Variants in TAFA1 observed in about 807,000 individuals in gnomAD.
The protein encoded by TAFA1 is chemokine-like protein TAFA-1.
TAFA1 carries 4 observed loss-of-function variants against 18.5 expected under a neutral mutation model. The ratio of observed to expected loss-of-function variants is 0.22; its 90% CI spans 0.11 to 0.49. TAFA1 has a LOEUF of 0.49. TAFA1 is among the 20% of genes least tolerant of loss of function. The pLI, the probability that TAFA1 is intolerant of heterozygous loss-of-function variation, is 0.98. For missense variants in TAFA1, 147 were observed against 169.0 expected (o/e 0.87, Z 0.72); for synonymous variants, 56 against 55.2 (o/e 1.01, Z -0.06).
At chr3:68,237,535 T>C (rs537542048) in intron 2 of TAFA1, among the ~76,000 whole-genome samples, 37 of 152,278 alleles carry the variant, frequency 2.4e-4, no homozygotes, top group Non-Finnish European at 4.9e-4. Flanking sequence ...TAACAAGGCA[T>C]GTATGTATGA....
intron 2 of TAFA1, among the ~76,000 whole-genome samples, chr3:68,317,629 C>G (rs1414048448): frequency 6.6e-6 from 1 of 152,114 alleles, no homozygotes; most frequent in African/African-American, 2.4e-5. Context: ...TATCATGGTC[C>G]CTGGAATATG....
intron 2 of TAFA1, among the ~76,000 whole-genome samples, chr3:68,309,993 T>C (rs558578969): frequency 1.3e-5 from 2 of 152,172 alleles, no homozygotes; most frequent in Non-Finnish European, 2.9e-5. Context: ...TAACCCTTTC[T>C]CGAGGAAATT....
intron 2 of TAFA1, among the ~76,000 whole-genome samples, chr3:68,258,363 T>C (rs1183037659): frequency 6.6e-6 from 1 of 152,210 alleles, no homozygotes; most frequent in Non-Finnish European, 1.5e-5. Flanking sequence ...TGTATTCAAG[T>C]TGATGTAATA....
At position 68,022,023 on chromosome 3, in the gene TAFA1, G is replaced by C. The variant is rs536162863; in HGVS notation, c.118+15279G>C. Among the ~76,000 whole-genome samples the C allele has an allele frequency of 2.6e-5, 4 of 152,260 alleles. No homozygotes were observed. In the South Asian group the frequency reaches 8.3e-4, roughly 32 times the overall value. Reference sequence around the variant, plus strand: ...TATTTCTGGCAAGCAGAGCATCAGAGTAATTTTACAGTAGTGTAAAGGATT... The same window carrying C: ...TATTTCTGGCAAGCAGAGCATCAGACTAATTTTACAGTAGTGTAAAGGATT... On this transcript the variant is annotated intron_variant, in intron 2 of 4. Coordinates refer to ENST00000478136, the MANE Select transcript of TAFA1 (RefSeq NM_213609.4).
chr3:68,498,576 T>C (rs2072593851), intron 3 of TAFA1, among the ~76,000 whole-genome samples: 1 of 152,154 alleles, frequency 6.6e-6, no homozygotes, highest in South Asian at 2.1e-4. Context: ...GCTGAAAACA[T>C]GGTAATTACA....
At chr3:68,231,627 T>A (rs1224863641) in intron 2 of TAFA1, among the ~76,000 whole-genome samples, 1 of 152,148 alleles carries the variant, frequency 6.6e-6, no homozygotes, top group East Asian at 1.9e-4. Flanking sequence ...CCCAAAGCGC[T>A]GGGATTACAG....
chr3:68,132,377 T>G (rs143679689), intron 2 of TAFA1, among the ~76,000 whole-genome samples: 8,254 of 152,300 alleles, frequency 0.054, 312 homozygotes, highest in Non-Finnish European at 0.086. Flanking sequence ...TGATTTCTAA[T>G]CCTTTGAGTA....
At chr3:68,489,242 G>C (rs1008221668) in intron 3 of TAFA1, among the ~76,000 whole-genome samples, 1 of 152,136 alleles carries the variant, frequency 6.6e-6, no homozygotes, top group Non-Finnish European at 1.5e-5. Flanking sequence ...ATAAAAATGG[G>C]AACTATAGCA....
intron 2 of TAFA1, among the ~76,000 whole-genome samples, chr3:68,363,327 T>C (rs2069504759): frequency 6.6e-6 from 1 of 152,196 alleles, no homozygotes; most frequent in Non-Finnish European, 1.5e-5. Context: ...TGAACCACGA[T>C]GGGTCCTGGG....
intron 3 of TAFA1, among the ~76,000 whole-genome samples, chr3:68,449,614 T>G (rs1331832962): frequency 6.6e-6 from 1 of 152,080 alleles, no homozygotes; most frequent in African/African-American, 2.4e-5. Context: ...AACACAAAGA[T>G]CTAATATCTC....
chr3:68,364,510 A>C (rs1340385107), intron 2 of TAFA1, among the ~76,000 whole-genome samples: 4 of 152,216 alleles, frequency 2.6e-5, no homozygotes, highest in Admixed American at 6.5e-5. Context: ...TAAAGAGGGT[A>C]AAGATAATAA....
intron 2 of TAFA1, among the ~76,000 whole-genome samples, chr3:68,127,295 G>A (rs900996506): frequency 6.6e-6 from 1 of 152,106 alleles, no homozygotes; most frequent in South Asian, 2.1e-4. Context: ...CAATGTGTGA[G>A]AGAGAGAAAA....
intron 2 of TAFA1, among the ~76,000 whole-genome samples, chr3:68,321,308 C>T (rs972513787): frequency 3.9e-5 from 6 of 152,154 alleles, no homozygotes; most frequent in Admixed American, 3.3e-4. Flanking sequence ...ATCATAGCCC[C>T]TACTTCAATA....
intron 2 of TAFA1, among the ~76,000 whole-genome samples, chr3:68,401,455 C>T (rs1017380838): frequency 5.9e-5 from 9 of 152,134 alleles, no homozygotes; most frequent in African/African-American, 1.7e-4. Context: ...AAGTTCAGCG[C>T]CCTGCTTCAG....
rs118191183 is a variant in TAFA1, at chr3:68,193,965, G to T, written c.118+187221G>T. On this transcript the variant is annotated intron_variant, in intron 2 of 4. Coordinates refer to ENST00000478136, the MANE Select transcript of TAFA1 (RefSeq NM_213609.4). ...GTTATATTTTTAAGCTTTAGGCCTAGATATATTTATGCTTTTGTCAGATTC... is the reference window on the plus strand; with the variant it reads ...GTTATATTTTTAAGCTTTAGGCCTATATATATTTATGCTTTTGTCAGATTC... Among the ~76,000 whole-genome samples the T allele has an allele frequency of 4.6e-3, 695 of 151,824 alleles. 28 individuals are homozygous for T. In the East Asian group the frequency reaches 0.09, roughly 20 times the overall value.
chr3:68,096,139 T>C (rs1183892013), intron 2 of TAFA1, among the ~76,000 whole-genome samples: 1 of 152,144 alleles, frequency 6.6e-6, no homozygotes, highest in Non-Finnish European at 1.5e-5. Flanking sequence ...CTCCTTGAGA[T>C]TAAATTTTTT....
chr3:68,541,323 T>G (rs970394138), intron 4 of TAFA1, among the ~76,000 whole-genome samples: 1 of 152,180 alleles, frequency 6.6e-6, no homozygotes, highest in African/African-American at 2.4e-5. Flanking sequence ...GAGCACCAAC[T>G]AAGTCCAGAT....
chr3:68,417,680 T>C (rs757962947), intron 3 of TAFA1: 15 of 430,224 alleles, frequency 3.5e-5, no homozygotes, highest in Admixed American at 7.8e-5. Context: ...GAGAGGTGAC[T>C]GGGCTGTGAG....
At chr3:68,493,003 T>C (rs184099954) in intron 3 of TAFA1, among the ~76,000 whole-genome samples, 96 of 152,318 alleles carry the variant, frequency 6.3e-4, no homozygotes, top group African/African-American at 2.2e-3. Context: ...AAAATACACA[T>C]ACCATAGTAC....
Sources: allele counts gnomAD v4.1 joint callset (sites outside exome capture counted in the v4.1 genomes callset), GRCh38; gene constraint gnomAD v4.1.1; transcripts MANE v1.5; gene names NCBI Gene and HGNC (gene_info 2026-07-23, HGNC 2026-07-21).